Variants in SDK2 observed in about 807,000 individuals in gnomAD.
SDK2 encodes the protein sidekick cell adhesion molecule 2, also known as protein sidekick-2.
Under a neutral mutation model 253.9 loss-of-function variants are expected in SDK2, and 105 were observed. The ratio of observed to expected loss-of-function variants is 0.41; its 90% CI spans 0.35 to 0.49. SDK2 has a LOEUF of 0.49. Ranked by LOEUF, SDK2 falls within the 20% of genes least tolerant of loss-of-function variation. The pLI is 0.06. For synonymous variants in SDK2, 1,249 were observed against 1,234.9 expected, an observed-to-expected ratio of 1.01 and a Z score of -0.24; for missense variants, 2,608 against 3,003.0, an observed-to-expected ratio of 0.87 and a Z score of 3.07.
intron 1 of SDK2, among the ~76,000 whole-genome samples, chr17:73,589,904 G>A (rs9916432): frequency 0.24 from 36,825 of 152,188 alleles, 5,500 homozygotes; most frequent in African/African-American, 0.42. Context: ...GAACAGAGAA[G>A]GGACTGAAAA....
intron 1 of SDK2, among the ~76,000 whole-genome samples, chr17:73,547,856 A>G (rs1223041713): frequency 1.3e-5 from 2 of 152,230 alleles, no homozygotes; most frequent in Non-Finnish European, 2.9e-5. Context: ...TTTACAAAGA[A>G]AAGAGGTTTA....
intron 1 of SDK2, among the ~76,000 whole-genome samples, chr17:73,561,550 C>T (rs1400167570): frequency 6.6e-6 from 1 of 152,232 alleles, no homozygotes; most frequent in Non-Finnish European, 1.5e-5. Context: ...AGACATGACA[C>T]AGGGTCATTT....
chr17:73,424,732 A>C (rs11869008), intron 12 of SDK2, among the ~76,000 whole-genome samples: 114,772 of 152,170 alleles, frequency 0.75, 44,149 homozygotes, highest in Admixed American at 0.82. Flanking sequence ...CACACAATGA[A>C]CCCAGGCGAG....
At chr17:73,503,782 A>T (rs2063909366) in intron 2 of SDK2, among the ~76,000 whole-genome samples, 1 of 152,228 alleles carries the variant, frequency 6.6e-6, no homozygotes, top group South Asian at 2.1e-4. Context: ...AGGGTGCTCC[A>T]TGCTGTTGCC....
At chr17:73,426,668 A>AATC (rs2063286599) in intron 12 of SDK2, among the ~76,000 whole-genome samples, 1 of 152,194 alleles carries the variant, frequency 6.6e-6, no homozygotes, top group Non-Finnish European at 1.5e-5. Flanking sequence ...CCTATTTACA[A>AATC]ATCAACAACA....
intron 1 of SDK2, among the ~76,000 whole-genome samples, chr17:73,602,033 C>A (rs530979096): frequency 6.6e-6 from 1 of 152,204 alleles, no homozygotes; most frequent in Non-Finnish European, 1.5e-5. Context: ...CGTGAGCCGC[C>A]GCGCCCAGCC....
rs1403418799 is a variant in SDK2 at position 73,447,047 on chromosome 17, G to A, written c.613+568C>T. Among the ~76,000 whole-genome samples, 6 of 152,186 alleles carry A rather than the reference G, an allele frequency of 3.9e-5. No homozygotes were observed. The highest frequency in any genetic ancestry group is 5.9e-5 in the Non-Finnish European group (4 of 68,030). The stretch of plus-strand genomic sequence containing the variant: ...CTCACTGTGTGGTGAGTTCTAGGGA[G>A]GGCTTTGCCCTTTTCGCCCAGGGAG... On this transcript the variant is annotated intron_variant, in intron 5 of 44. Transcript: ENST00000392650. The surrounding 1 kb of genome is among the most constrained non-coding windows in gnomAD (Gnocchi z 4.0).
At chr17:73,437,210 C>T (rs1037622067) in intron 8 of SDK2, among the ~76,000 whole-genome samples, 5 of 152,124 alleles carry the variant, frequency 3.3e-5, no homozygotes, top group Admixed American at 2.0e-4. Context: ...CCGGATTTCA[C>T]CCTGGCTGCG....
At chr17:73,522,811 C>T (rs146068856) in intron 1 of SDK2, among the ~76,000 whole-genome samples, 3,092 of 152,346 alleles carry the variant, frequency 0.02, 46 homozygotes, top group Non-Finnish European at 0.031. Context: ...AGAGAGCAGA[C>T]TGGGCTCACC....
At chr17:73,530,348 GC>G (rs1205691917) in intron 1 of SDK2, among the ~76,000 whole-genome samples, 1 of 152,176 alleles carries the variant, frequency 6.6e-6, no homozygotes, top group Non-Finnish European at 1.5e-5. Context: ...GAGAGAGAGT[GC>G]AGGGGAAACT....
intron 12 of SDK2, among the ~76,000 whole-genome samples, chr17:73,430,203 C>T (rs1257737547): frequency 2.0e-5 from 3 of 152,182 alleles, no homozygotes; most frequent in Admixed American, 6.5e-5. Context: ...CTCACTAACC[C>T]ACAAGCCTCT....
chr17:73,485,400 C>T (rs368002329), intron 2 of SDK2, among the ~76,000 whole-genome samples: 75 of 152,206 alleles, frequency 4.9e-4, no homozygotes, highest in African/African-American at 1.6e-3. Flanking sequence ...CCTGAGACAT[C>T]GACTGTGGTG....
intron 1 of SDK2, among the ~76,000 whole-genome samples, chr17:73,542,462 C>A (rs2044884583): frequency 6.6e-6 from 1 of 152,212 alleles, no homozygotes; most frequent in Non-Finnish European, 1.5e-5. Context: ...TGAGGGAAAC[C>A]TGCCACAAGC....
In SDK2 at chr17:73,380,901, C is replaced by T. The variant is rs560405975; in HGVS notation, c.4755G>A (p.Glu1585=). 1.9e-6 allele frequency: 3 copies of T among 1,567,460 alleles called. No homozygotes were observed. The highest frequency in any genetic ancestry group is 1.2e-5 in the South Asian group (1 of 84,992). Residue 1585 remains glutamate (E), a synonymous_variant, in exon 34 of 45, where the codon GAG becomes GAA. Transcript: ENST00000392650. ...CCATGCAAGGAGACTTACTGTCCAGCTCGTACTGCGTGAGGCTGGGCCGGC... is the reference window on the plus strand; with the variant it reads ...CCATGCAAGGAGACTTACTGTCCAGTTCGTACTGCGTGAGGCTGGGCCGGC... ...NLSRPSLTQY[E]LDNLNKHRRY...
At chr17:73,463,641 T>A (rs1452643002) in intron 3 of SDK2, among the ~76,000 whole-genome samples, 1 of 152,222 alleles carries the variant, frequency 6.6e-6, no homozygotes, top group Non-Finnish European at 1.5e-5. Flanking sequence ...TTGTGGTCAA[T>A]GTATTCTGTT....
rs1223310055 is a variant in SDK2 at position 73,465,786 on chromosome 17, C to T, written c.331+6326G>A. The stretch of plus-strand genomic sequence containing the variant: ...AAGGGGGCTGGGTGCCAGGGGTTGG[C>T]CAGCCTGGCTCCATGATAGGAGAAC... On this transcript the variant is annotated intron_variant, in intron 3 of 44. Transcript: ENST00000392650. The surrounding 1 kb of genome is among the most constrained non-coding windows in gnomAD (Gnocchi z 4.2). Among the ~76,000 whole-genome samples the T allele has an allele frequency of 6.6e-6, 1 of 152,156 alleles. No homozygotes were observed. The highest frequency in any genetic ancestry group is 1.5e-5 in the Non-Finnish European group (1 of 68,036).
intron 1 of SDK2, among the ~76,000 whole-genome samples, chr17:73,572,097 C>T (rs886887943): frequency 7.9e-5 from 12 of 152,182 alleles, no homozygotes; most frequent in Non-Finnish European, 1.3e-4. Context: ...GACAAGACCT[C>T]GGCATTCAGT....
intron 2 of SDK2, among the ~76,000 whole-genome samples, chr17:73,479,362 C>A (rs1483935877): frequency 6.6e-6 from 1 of 152,172 alleles, no homozygotes; most frequent in Non-Finnish European, 1.5e-5. Flanking sequence ...TGTGTGTGTC[C>A]TCAGACACCT....
chr17:73,361,840 T>C lies in SDK2; in HGVS notation c.5311A>G (p.Ser1771Gly). The C allele has an allele frequency of 1.3e-6, 2 of 1,589,678 alleles. No individual in the cohort carries two copies. Among genetic ancestry groups the C allele is most frequent in the South Asian group, 2.3e-5 (2 of 87,712 alleles). ...YEPCSPVDGVSKIVTVDVKGN... is the reference protein window; with the variant it reads ...YEPCSPVDGVGKIVTVDVKGN... The stretch of plus-strand genomic sequence containing the variant: ...TTCACGTCCACGGTCACGATCTTGC[T>C]GACTCCTGGGGGAGGCACAGCAAGT... Residue 1771 changes from serine to glycine, a missense_variant, in exon 39 of 45, where the codon AGC (serine) becomes GGC (glycine). By Grantham distance (56) the Ser-to-Gly change is moderately conservative (BLOSUM62 0). This residue lies in a region of SDK2 where 1,103 missense variants were observed against 1,143.9 expected (regional missense o/e 0.96). Transcript: ENST00000392650. The surrounding 1 kb of genome is among the most constrained non-coding windows in gnomAD (Gnocchi z 4.1).
Sources: gnomAD v4.1 joint callset for allele counts (sites outside exome capture counted in the v4.1 genomes callset) on GRCh38, gnomAD v4.1.1 for gene constraint, gnomAD v4.1.1 regional missense constraint, Gnocchi (gnomAD v3.1) non-coding constraint, MANE v1.5 for transcripts, NCBI Gene and HGNC (gene_info 2026-07-23, HGNC 2026-07-21) for gene names.